The following AAK1 variants were observed in gnomAD, a reference collection of about 807,000 sequenced individuals.
AAK1 encodes the protein AP2-associated protein kinase 1.
In AAK1, 37 loss-of-function variants were observed where a neutral mutation model predicts 116.0. That is an observed-to-expected ratio of 0.32 (90% confidence interval 0.25 to 0.42). The LOEUF is 0.42. AAK1 is among the 10% of genes least tolerant of loss of function. The probability of loss-of-function intolerance (pLI) is 1.00; values close to 1 mark genes in which losing one functional copy is unlikely to be tolerated. For missense variants in AAK1, 919 were observed against 1,170.6 expected (o/e 0.79, Z 3.14); for synonymous variants, 458 against 439.9 (o/e 1.04, Z -0.51).
chr2:69,637,045 T>A (rs941886161), intron 2 of AAK1, among the ~76,000 whole-genome samples: 9 of 152,212 alleles, frequency 5.9e-5, no homozygotes, highest in African/African-American at 2.2e-4. Flanking sequence ...TGGGCTACTT[T>A]ATTGAACAGC....
In AAK1 at chr2:69,471,284, C is replaced by A. The variant is rs549399821; in HGVS notation, c.*4585G>T. 7 of 985,418 alleles carry A rather than the reference C, an allele frequency of 7.1e-6. No homozygotes were observed. The Admixed American group carries it at 3.7e-4, about 52-fold the overall frequency. 61.0% of individuals were successfully genotyped at this position (985,418 alleles called of 1,614,324 possible). On this transcript the variant is annotated 3_prime_UTR_variant, in exon 22 of 22. Coordinates refer to ENST00000409085, the MANE Select transcript of AAK1 (RefSeq NM_014911.5). ...AGCATTACCCAAGGAGCCTCCCTAT[C>A]CCGTATTAGTGAAAGGAAATCTGGG...
intron 2 of AAK1, among the ~76,000 whole-genome samples, chr2:69,599,364 A>T (rs1276185468): frequency 1.0e-4 from 15 of 148,094 alleles, no homozygotes; most frequent in African/African-American, 3.8e-4. Flanking sequence ...ATTTAAAAAT[A>T]TATATAGTTC....
chr2:69,582,871 A>G (rs1672605722), intron 2 of AAK1, among the ~76,000 whole-genome samples: 1 of 152,028 alleles, frequency 6.6e-6, no homozygotes, highest in Admixed American at 6.6e-5. Flanking sequence ...AGCTCTGAGG[A>G]CTCTGTTGCT....
chr2:69,552,357 A>G (rs1238334145), intron 3 of AAK1, among the ~76,000 whole-genome samples: 1 of 152,198 alleles, frequency 6.6e-6, no homozygotes, highest in Non-Finnish European at 1.5e-5. Flanking sequence ...AAATGGTACT[A>G]AGAGCAATTA....
chr2:69,524,249 A>T (rs1669919314), intron 10 of AAK1, among the ~76,000 whole-genome samples: 1 of 152,002 alleles, frequency 6.6e-6, no homozygotes, highest in South Asian at 2.1e-4. Flanking sequence ...TATTTTTTAC[A>T]TTTTTTAAAA....
chr2:69,576,559 T>C (rs1362830770), intron 2 of AAK1, among the ~76,000 whole-genome samples: 1 of 152,170 alleles, frequency 6.6e-6, no homozygotes, highest in Non-Finnish European at 1.5e-5. Context: ...TAAGTCCTCA[T>C]CATTTAGCTC....
chr2:69,565,617 C>G (rs1264256951), intron 2 of AAK1, among the ~76,000 whole-genome samples: 1 of 152,246 alleles, frequency 6.6e-6, no homozygotes, highest in African/African-American at 2.4e-5. Flanking sequence ...AACACCTCCA[C>G]TCCCAGGGAA....
At chr2:69,557,735 A>G (rs1332509869) in intron 2 of AAK1, among the ~76,000 whole-genome samples, 3 of 152,238 alleles carry the variant, frequency 2.0e-5, no homozygotes, top group African/African-American at 4.8e-5. Flanking sequence ...TTTTAAAAGC[A>G]TAAGTGGAGC....
intron 9 of AAK1, 150 bp downstream of exon 9, chr2:69,527,066 G>C (rs532998326): frequency 1.7e-6 from 1 of 595,152 alleles, no homozygotes; most frequent in East Asian, 2.8e-5. Context: ...TCCCTTTATG[G>C]CAACTGCTTC....
chr2:69,467,143 G>C lies in AAK1; in HGVS notation c.*8726C>G, dbSNP rs895022750. 1 of 985,284 alleles carries C rather than the reference G, an allele frequency of 1.0e-6. No individual in the cohort carries two copies. The highest frequency in any genetic ancestry group is 1.2e-6 in the Non-Finnish European group (1 of 829,930). The allele number at this position is 985,284 out of a possible 1,614,324, so 61.0% of individuals were successfully genotyped here. A position where few individuals can be genotyped will look rare whatever the true frequency, so the allele number is the denominator to read the frequency against. On this transcript the variant is annotated 3_prime_UTR_variant, in exon 22 of 22. Transcript: ENST00000409085. Reference sequence around the variant, plus strand: ...AAATACTGAAGGTACCTTCTGAGGGGAGCATACAGCATCAAAATCAGACCA... The same window carrying C: ...AAATACTGAAGGTACCTTCTGAGGGCAGCATACAGCATCAAAATCAGACCA...
At chr2:69,610,897 T>C (rs150053005) in intron 2 of AAK1, among the ~76,000 whole-genome samples, 8 of 152,286 alleles carry the variant, frequency 5.3e-5, no homozygotes, top group East Asian at 3.9e-4. Context: ...TGTGGAATAA[T>C]TGGAACTCTT....
Position 69,643,023 on chromosome 2 carries a change from G to A in AAK1, c.18C>T (p.Asp6=). The A allele has an allele frequency of 1.9e-6, 3 of 1,606,424 alleles. No homozygotes were observed. Among genetic ancestry groups the A allele is most frequent in the Non-Finnish European group, 1.7e-6 (2 of 1,176,874 alleles). Residue 6 remains aspartate, a synonymous_variant, in exon 2 of 22, where the codon GAC becomes GAT. Coordinates refer to ENST00000409085, the MANE Select transcript of AAK1 (RefSeq NM_014911.5). ...CAGAGCCGCCCTGCTCTCGCCGGGA[G>A]TCGAAAAACTTCTTCATCTTGCGAA... MKKFF[D]SRREQGGSGL... is the part of the protein sequence containing the mutation.
chr2:69,536,735 T>C (rs903398047), intron 5 of AAK1, among the ~76,000 whole-genome samples: 2 of 152,206 alleles, frequency 1.3e-5, no homozygotes, highest in African/African-American at 2.4e-5. Flanking sequence ...TCTAAGAGGC[T>C]ACCTCCTACT....
At chr2:69,519,635 C>G (rs141129197) in intron 11 of AAK1, among the ~76,000 whole-genome samples, 14 of 152,290 alleles carry the variant, frequency 9.2e-5, no homozygotes, top group South Asian at 4.1e-4. Flanking sequence ...TGTAGCTTAT[C>G]CCAGTCTGGA....
chr2:69,465,809 CTG>C lies in AAK1; in HGVS notation c.*10058_*10059del. Reference sequence around the variant, plus strand: ...GTACAGAATGGGACAGGAGGTTAGACTGTTGCACAAAACCAGCTGTGGAATAC... The same window carrying C: ...GTACAGAATGGGACAGGAGGTTAGACTTGCACAAAACCAGCTGTGGAATAC... On this transcript the variant is annotated 3_prime_UTR_variant, in exon 22 of 22. Transcript: ENST00000409085. 1 of 1,290,870 alleles carries C rather than the reference CTG, an allele frequency of 7.7e-7. No homozygotes were observed. Among genetic ancestry groups the C allele is most frequent in the Non-Finnish European group, 1.0e-6 (1 of 988,888 alleles). 80.0% of individuals were successfully genotyped at this position (1,290,870 alleles called of 1,614,324 possible).
intron 16 of AAK1, among the ~76,000 whole-genome samples, chr2:69,501,401 G>A (rs988854958): frequency 6.6e-6 from 1 of 151,620 alleles, no homozygotes; most frequent in African/African-American, 2.4e-5. Context: ...TTTTACTAGG[G>A]AAATACACAC....
chr2:69,458,379 T>C lies in AAK1; in HGVS notation c.*17490A>G, dbSNP rs1271964785. 3 of 152,640 alleles carry C rather than the reference T, an allele frequency of 2.0e-5. No homozygotes were observed. Among genetic ancestry groups the C allele is most frequent in the African/African-American group, 7.2e-5 (3 of 41,452 alleles). The allele number at this position is 152,640 out of a possible 1,614,324, so 9.5% of individuals were successfully genotyped here. On this transcript the variant is annotated 3_prime_UTR_variant, in exon 22 of 22. Coordinates refer to ENST00000409085, the MANE Select transcript of AAK1 (RefSeq NM_014911.5). The stretch of plus-strand genomic sequence containing the variant: ...ATCTCCTAACAAATGACATTAAATG[T>C]TCCCTCATTCAAAACATCTTGTGGG...
chr2:69,525,414 T>C (rs1262879509), intron 9 of AAK1, among the ~76,000 whole-genome samples: 1 of 152,226 alleles, frequency 6.6e-6, no homozygotes, highest in Admixed American at 6.5e-5. Flanking sequence ...GGGCTTGATC[T>C]CAGTACCCTT....
intron 2 of AAK1, among the ~76,000 whole-genome samples, chr2:69,566,609 C>T (rs1378696005): frequency 1.3e-5 from 2 of 152,106 alleles, no homozygotes; most frequent in Admixed American, 6.5e-5. Flanking sequence ...ACTGGCCTGG[C>T]TATTGGTTCT....
Sources: gnomAD v4.1 joint callset for allele counts (sites outside exome capture counted in the v4.1 genomes callset) on GRCh38, gnomAD v4.1.1 for gene constraint, MANE v1.5 for transcripts, NCBI Gene and HGNC (gene_info 2026-07-23, HGNC 2026-07-21) for gene names.